FBXO32: variants seen among roughly 807,000 people sequenced by gnomAD.
FBXO32 encodes the protein F-box protein 32.
A neutral mutation model predicts 48.3 loss-of-function variants in FBXO32; 15 were observed. That is an observed-to-expected ratio of 0.31 (90% CI 0.21 to 0.48). The LOEUF (loss-of-function observed/expected upper bound fraction) is 0.48. FBXO32 is among the 20% of genes least tolerant of loss of function. FBXO32 has a pLI of 0.99. For synonymous variants in FBXO32, 154 were observed against 165.9 expected (o/e 0.93, Z 0.55); for missense variants, 309 against 432.7 (o/e 0.71, Z 2.54).
chr8:123,504,545 A>G (rs1816571403), intron 8 of FBXO32, 59 bp downstream of exon 8: 1 of 1,362,588 alleles, frequency 7.3e-7, no homozygotes, highest in Non-Finnish European at 9.7e-7. Flanking sequence ...GCTGGCTGGC[A>G]CTCTTGGCTC....
In FBXO32 at chr8:123,503,262, C is replaced by T. The variant is rs186040003; in HGVS notation, c.*111G>A. On this transcript the variant is annotated 3_prime_UTR_variant, in exon 9 of 9. Coordinates refer to ENST00000517956, the MANE Select transcript of FBXO32 (RefSeq NM_058229.4). The stretch of plus-strand genomic sequence containing the variant: ...TCTCCATGACTTATCTCTGAAGTTT[C>T]GAGCCAATGTTTAAAATGTACACTA... 194 of 824,212 alleles carry T rather than the reference C, an allele frequency of 2.4e-4. 1 individual carries two copies. In the African/African-American group the frequency reaches 2.4e-3, roughly 10 times the overall value. The allele number at this position is 824,212 out of a possible 1,614,324, so 51.1% of individuals were successfully genotyped here. A position where few individuals can be genotyped will look rare whatever the true frequency, so the allele number is the denominator to read the frequency against.
At chr8:123,532,875 A>C (rs2130556186) in intron 3 of FBXO32, among the ~76,000 whole-genome samples, 1 of 152,350 alleles carries the variant, frequency 6.6e-6, no homozygotes, top group South Asian at 2.1e-4. Flanking sequence ...CTTAGAACAA[A>C]AGGGAGACCT....
intron 1 of FBXO32, among the ~76,000 whole-genome samples, chr8:123,538,289 C>A (rs565124050): frequency 6.6e-6 from 1 of 151,922 alleles, no homozygotes; most frequent in Non-Finnish European, 1.5e-5. Flanking sequence ...AAACAATAAC[C>A]CCAGGCTGAA....
At chr8:123,532,197 C>T (rs758167501) in intron 3 of FBXO32, 20 of 1,362,004 alleles carry the variant, frequency 1.5e-5, no homozygotes, top group Non-Finnish European at 1.8e-5. Context: ...CTGCCTCAGT[C>T]AGCCCCTCAC....
intron 4 of FBXO32, among the ~76,000 whole-genome samples, chr8:123,521,258 T>C (rs1816948140): frequency 6.6e-6 from 1 of 152,232 alleles, no homozygotes; most frequent in South Asian, 2.1e-4. Context: ...AATAGTGTTT[T>C]TTAAAACATA....
intron 4 of FBXO32, among the ~76,000 whole-genome samples, chr8:123,516,178 A>G (rs912642853): frequency 6.6e-6 from 1 of 152,170 alleles, no homozygotes; most frequent in African/African-American, 2.4e-5. Context: ...ACACAGGAAA[A>G]TATCACACTT....
Position 123,540,424 on chromosome 8 carries a change from C to G in FBXO32, c.116+475G>C, listed in dbSNP as rs1247613661. ...GGGCAGGGCCTGGAAGCGCTCCAGG[C>G]GGGACCTTCGTCGGATCCCGTCACC... On this transcript the variant is annotated intron_variant, in intron 1 of 8. Transcript: ENST00000517956. This position sits in a 1 kb window ranked among gnomAD's most constrained non-coding sequence, Gnocchi z 6.4. Among the ~76,000 whole-genome samples the G allele has an allele frequency of 1.3e-5, 2 of 152,238 alleles. No individual in the cohort carries two copies.
In FBXO32 at chr8:123,498,076, A is replaced by G. The variant is rs1313865295; in HGVS notation, c.*5297T>C. The G allele has an allele frequency of 2.0e-5, 3 of 152,240 alleles. No homozygotes were observed. Among genetic ancestry groups the G allele is most frequent in the African/African-American group, 7.2e-5 (3 of 41,476 alleles). 9.4% of individuals were successfully genotyped at this position (152,240 alleles called of 1,614,324 possible). A position where few individuals can be genotyped will look rare whatever the true frequency, so the allele number is the denominator to read the frequency against. Reference sequence around the variant, plus strand: ...CTCTGCATGTAATTGGTCTAACTTTATGCTTTAGTTACAATGTTCAACCCC... The same window carrying G: ...CTCTGCATGTAATTGGTCTAACTTTGTGCTTTAGTTACAATGTTCAACCCC... On this transcript the variant is annotated 3_prime_UTR_variant, in exon 9 of 9. Transcript: ENST00000517956.
In FBXO32 at chr8:123,504,742, G is replaced by A. The variant is rs1002056370; in HGVS notation, c.840C>T (p.Arg280=). Residue 280 remains arginine (R), a synonymous_variant, in exon 8 of 9, where the codon CGC becomes CGT. Coordinates refer to ENST00000517956, the MANE Select transcript of FBXO32 (RefSeq NM_058229.4). ...CQYHFSERQI[R]KRLILSDKGQ... The stretch of plus-strand genomic sequence containing the variant: ...CTTTGTCTGACAGAATTAATCGTTT[G>A]CGGATCTAAAAAATCAAATGAATAA... The A allele has an allele frequency of 1.9e-6, 3 of 1,612,008 alleles. No individual in the cohort carries two copies. Among genetic ancestry groups the A allele is most frequent in the African/African-American group, 2.7e-5 (2 of 74,764 alleles).
At chr8:123,510,472 G>C (rs1387808583) in intron 6 of FBXO32, among the ~76,000 whole-genome samples, 1 of 152,140 alleles carries the variant, frequency 6.6e-6, no homozygotes, top group Admixed American at 6.5e-5. Context: ...AATTAGCCGG[G>C]TGTGGTGGTG....
chr8:123,504,861 A>G, intron 7 of FBXO32, 114 bp from the exon 8 acceptor site: 1 of 978,400 alleles, frequency 1.0e-6, no homozygotes. Flanking sequence ...TTTCAGCTCT[A>G]CAATAGCCAG....
rs1816781849 is a variant in FBXO32, at chr8:123,513,749, G to A, written c.467-367C>T. On this transcript the variant is annotated intron_variant, in intron 5 of 8. Coordinates refer to ENST00000517956, the MANE Select transcript of FBXO32 (RefSeq NM_058229.4). This position sits in a 1 kb window ranked among gnomAD's most constrained non-coding sequence, Gnocchi z 4.3. The stretch of plus-strand genomic sequence containing the variant: ...AGGAGCATGGTTTCAGGGGTTTGGA[G>A]CCTGGGTTCTAATCCTGTCTGGCTG... 6.6e-6 allele frequency among the ~76,000 whole-genome samples: 1 copy of A among 152,164 alleles called. No individual in the cohort carries two copies. Among genetic ancestry groups the A allele is most frequent in the Non-Finnish European group, 1.5e-5 (1 of 68,036 alleles).
At chr8:123,530,655 G>T (rs534189150) in intron 4 of FBXO32, among the ~76,000 whole-genome samples, 5 of 152,066 alleles carry the variant, frequency 3.3e-5, no homozygotes, top group Admixed American at 3.3e-4. Context: ...TCGCACTGTC[G>T]CCCAGGCTGG....
At chr8:123,532,789 C>T (rs1587002865) in intron 3 of FBXO32, among the ~76,000 whole-genome samples, 1 of 152,204 alleles carries the variant, frequency 6.6e-6, no homozygotes, top group Non-Finnish European at 1.5e-5. Context: ...ACTGAGCAGG[C>T]ACTGAAAACT....
intron 6 of FBXO32, among the ~76,000 whole-genome samples, chr8:123,508,385 G>A (rs1816671578): frequency 1.3e-5 from 2 of 152,148 alleles, no homozygotes. Flanking sequence ...CTAAGCTATG[G>A]AGAAGAATGG....
rs552814829 is a variant in FBXO32, at chr8:123,527,023, T to C, written c.372+4875A>G. On this transcript the variant is annotated intron_variant, in intron 4 of 8. Coordinates refer to ENST00000517956, the MANE Select transcript of FBXO32 (RefSeq NM_058229.4). ...CTGTGTTCCAATAAAACTTTATTTA[T>C]GGATACTGAAATTTGAGCTGCACAT... The C allele has an allele frequency of 2.0e-5, 3 of 152,372 alleles. No homozygotes were observed. In the South Asian group the frequency reaches 6.2e-4, roughly 32 times the overall value. 9.4% of individuals were successfully genotyped at this position (152,372 alleles called of 1,614,324 possible).
At chr8:123,510,849 C>G (rs932138909) in intron 6 of FBXO32, among the ~76,000 whole-genome samples, 2 of 152,140 alleles carry the variant, frequency 1.3e-5, no homozygotes, top group African/African-American at 4.8e-5. Context: ...TGGACAGAGA[C>G]AGAAAAGTGC....
rs1406371704 is a variant in FBXO32 at position 123,525,952 on chromosome 8, T to G, written c.372+5946A>C. On this transcript the variant is annotated intron_variant, in intron 4 of 8. Transcript: ENST00000517956. The surrounding 1 kb of genome is among the most constrained non-coding windows in gnomAD (Gnocchi z 4.3). ...TGTTTTTTTTCCAGTGGCTTCCTCC[T>G]GCGTACTAGATAATATAGCCTCACA... Among the ~76,000 whole-genome samples the G allele has an allele frequency of 6.6e-6, 1 of 152,058 alleles. No individual in the cohort carries two copies. The highest frequency in any genetic ancestry group is 1.5e-5 in the Non-Finnish European group (1 of 68,010).
At chr8:123,533,009 C>T (rs1168736429) in intron 3 of FBXO32, among the ~76,000 whole-genome samples, 182 bp downstream of exon 3, 1 of 152,210 alleles carries the variant, frequency 6.6e-6, no homozygotes, top group Non-Finnish European at 1.5e-5. Context: ...GTGACTTTTG[C>T]TTCTTTCTCT....
Sources: gnomAD v4.1 joint callset for allele counts (sites outside exome capture counted in the v4.1 genomes callset) on GRCh38, gnomAD v4.1.1 for gene constraint, Gnocchi (gnomAD v3.1) non-coding constraint, MANE v1.5 for transcripts, NCBI Gene and HGNC (gene_info 2026-07-23, HGNC 2026-07-21) for gene names.